WIPF1: variants seen among roughly 807,000 people sequenced by gnomAD.
WIPF1 encodes the protein WAS/WASL interacting protein family member 1.
In WIPF1, 13 loss-of-function variants were observed where a neutral mutation model predicts 35.4. That is an observed-to-expected ratio of 0.37 (90% CI 0.24 to 0.58). The LOEUF (loss-of-function observed/expected upper bound fraction) is 0.58. WIPF1 is among the 20% of genes least tolerant of loss of function. WIPF1 has a pLI of 0.74. For synonymous variants in WIPF1, 267 were observed against 266.3 expected (o/e 1.00, Z -0.02); for missense variants, 591 against 667.0 (o/e 0.89, Z 1.25).
chr2:174,675,500 G>A (rs1688110588), intron 1 of WIPF1, among the ~76,000 whole-genome samples: 2 of 151,950 alleles, frequency 1.3e-5, no homozygotes, highest in Non-Finnish European at 2.9e-5. Context: ...AGGACTACAG[G>A]CATATGCCAC....
chr2:174,641,834 T>C (rs546061083), intron 1 of WIPF1, among the ~76,000 whole-genome samples: 7 of 152,360 alleles, frequency 4.6e-5, no homozygotes, highest in East Asian at 1.9e-4. Context: ...TATATACATA[T>C]TTTCATTTAA....
rs1360270771 is a variant in WIPF1, at chr2:174,571,367, G to T, written c.1129+309C>A. On this transcript the variant is annotated intron_variant, in intron 5 of 7. Transcript: ENST00000679041. The surrounding 1 kb of genome is among the most constrained non-coding windows in gnomAD (Gnocchi z 4.6). ...TTCTCTCTAGGGAGGCAGGGTAGTG[G>T]ACTGGCAAGTACACTTCAGAGATGG... 2 of 583,632 alleles carry T rather than the reference G, an allele frequency of 3.4e-6. No homozygotes were observed. The highest frequency in any genetic ancestry group is 6.1e-6 in the Non-Finnish European group (2 of 330,232). The allele number at this position is 583,632 out of a possible 1,614,324, so 36.2% of individuals were successfully genotyped here.
At position 174,561,886 on chromosome 2, in the gene WIPF1, CA is replaced by C; in HGVS notation, c.*660del. ...ACTCTGGATTTTGAAGATTCAGTAC[CA>C]AAAAATAATATAAAATATCTCATTA... On this transcript the variant is annotated 3_prime_UTR_variant, in exon 8 of 8. Coordinates refer to ENST00000679041, the MANE Select transcript of WIPF1 (RefSeq NM_001375834.1). 1.5e-6 allele frequency: 1 copy of C among 646,566 alleles called. No individual in the cohort carries two copies. Among genetic ancestry groups the C allele is most frequent in the Non-Finnish European group, 2.5e-6 (1 of 398,442 alleles). 40.1% of individuals were successfully genotyped at this position (646,566 alleles called of 1,614,324 possible).
At position 174,646,685 on chromosome 2, in the gene WIPF1, C is replaced by T. The variant is rs191341630; in HGVS notation, c.-39+36089G>A. 2.7e-3 allele frequency among the ~76,000 whole-genome samples: 414 copies of T among 152,244 alleles called. 1 individual carries two copies. Among genetic ancestry groups the T allele is most frequent in the Middle Eastern group, 0.02 (6 of 294 alleles). On this transcript the variant is annotated intron_variant, in intron 1 of 8. Transcript: ENST00000272746. ...TGTCGCCCAGGCTGGAGTGCAATCTCGGCTCATTGCAACCTCCACCTCCCA... is the reference window on the plus strand; with the variant it reads ...TGTCGCCCAGGCTGGAGTGCAATCTTGGCTCATTGCAACCTCCACCTCCCA...
chr2:174,641,763 CT>C (rs905392960), intron 1 of WIPF1, among the ~76,000 whole-genome samples: 12 of 152,220 alleles, frequency 7.9e-5, no homozygotes, highest in Admixed American at 7.2e-4. Context: ...GCTGCACTGA[CT>C]TTTTTCAGCA....
At chr2:174,654,046 C>T (rs1687594728) in intron 1 of WIPF1, among the ~76,000 whole-genome samples, 2 of 152,328 alleles carry the variant, frequency 1.3e-5, no homozygotes, top group Non-Finnish European at 2.9e-5. Context: ...AAAAATCCTC[C>T]TCTACTTCCT....
intron 1 of WIPF1, among the ~76,000 whole-genome samples, chr2:174,664,555 C>G (rs751782510): frequency 2.0e-5 from 3 of 152,218 alleles, no homozygotes; most frequent in African/African-American, 7.2e-5. Flanking sequence ...TTCAAATGAG[C>G]AGTAGGGGAA....
chr2:174,638,898 A>G (rs1687240351), intron 1 of WIPF1, among the ~76,000 whole-genome samples: 1 of 152,214 alleles, frequency 6.6e-6, no homozygotes, highest in Admixed American at 6.5e-5. Context: ...GGATATATGT[A>G]TCCAGTAGTG....
chr2:174,647,829 G>A (rs1293500438), intron 1 of WIPF1, among the ~76,000 whole-genome samples: 3 of 152,178 alleles, frequency 2.0e-5, no homozygotes, highest in Non-Finnish European at 2.9e-5. Context: ...TGGAGAAACT[G>A]TTTATGTAGC....
Position 174,571,011 on chromosome 2 carries a change from G to A in WIPF1, c.1129+665C>T, listed in dbSNP as rs1684814516. Reference sequence around the variant, plus strand: ...CAAGGTTTCTCAACTGTGGATGGGGGCATTGGAAGGGTCTCAGATGGGCTT... The same window carrying A: ...CAAGGTTTCTCAACTGTGGATGGGGACATTGGAAGGGTCTCAGATGGGCTT... On this transcript the variant is annotated intron_variant, in intron 5 of 7. Coordinates refer to ENST00000679041, the MANE Select transcript of WIPF1 (RefSeq NM_001375834.1). This position sits in a 1 kb window ranked among gnomAD's most constrained non-coding sequence, Gnocchi z 4.6. Among the ~76,000 whole-genome samples, 1 of 152,180 alleles carries A rather than the reference G, an allele frequency of 6.6e-6. No homozygotes were observed. Among genetic ancestry groups the A allele is most frequent in the Non-Finnish European group, 1.5e-5 (1 of 68,034 alleles).
At chr2:174,666,396 C>T (rs1052389425) in intron 1 of WIPF1, among the ~76,000 whole-genome samples, 1 of 152,160 alleles carries the variant, frequency 6.6e-6, no homozygotes. Flanking sequence ...TGAGTTTATT[C>T]CTACAGTTTT....
chr2:174,561,324 A>C lies in WIPF1; in HGVS notation c.*1223T>G, dbSNP rs1430179. 148,212 of 152,376 alleles carry C rather than the reference A, an allele frequency of 0.97. 72,205 individuals are homozygous for C. Among genetic ancestry groups the C allele is most frequent in the Non-Finnish European group, 1 (67,953 of 68,064 alleles). 9.4% of individuals were successfully genotyped at this position (152,376 alleles called of 1,614,324 possible). ...TTCTTCCATGTTTCTGATTTGATAT[A>C]TTTTCCTGACTTTTTTCCCCTCCTA... On this transcript the variant is annotated 3_prime_UTR_variant, in exon 8 of 8. Transcript: ENST00000679041.
At chr2:174,599,328 T>C (rs1422393697), upstream of WIPF1, among the ~76,000 whole-genome samples, 1 of 152,134 alleles carries the variant, frequency 6.6e-6, no homozygotes, top group Admixed American at 6.5e-5. Flanking sequence ...CTGGGACAGA[T>C]GATGTCTAAG....
At chr2:174,618,277 C>T (rs934715983) in intron 1 of WIPF1, among the ~76,000 whole-genome samples, 25 of 152,298 alleles carry the variant, frequency 1.6e-4, no homozygotes, top group African/African-American at 5.8e-4. Flanking sequence ...CTGAAAAGCT[C>T]GGCACAGACA....
chr2:174,585,635 T>C (rs1685392504), intron 1 of WIPF1, 24 bp from the exon 2 acceptor site: 5 of 1,491,160 alleles, frequency 3.4e-6, no homozygotes, highest in Non-Finnish European at 4.7e-6. Flanking sequence ...AATGCGATCA[T>C]GTATTAGATG....
chr2:174,563,425 T>C (rs1684547593), intron 7 of WIPF1, among the ~76,000 whole-genome samples: 1 of 152,098 alleles, frequency 6.6e-6, no homozygotes. Flanking sequence ...TAGCCGGGCA[T>C]GTTGGTGTGC....
chr2:174,570,373 T>C lies in WIPF1; in HGVS notation c.1129+1303A>G, dbSNP rs113484696. The C allele has an allele frequency of 1.7e-3, 258 of 152,352 alleles. 1 individual carries two copies. The highest frequency in any genetic ancestry group is 5.9e-3 in the African/African-American group (245 of 41,580). The allele number at this position is 152,352 out of a possible 1,614,324, so 9.4% of individuals were successfully genotyped here. A position where few individuals can be genotyped will look rare whatever the true frequency, so the allele number is the denominator to read the frequency against. ...AATGATTATTTCTGGATAGTGGTGG[T>C]AGAAGGATTAATTTTAATTTTCTTT... is the stretch of plus-strand genomic sequence containing the variant. On this transcript the variant is annotated intron_variant, in intron 5 of 7. Transcript: ENST00000679041.
intron 1 of WIPF1, among the ~76,000 whole-genome samples, chr2:174,591,742 A>G (rs1024753246): frequency 1.3e-5 from 2 of 151,750 alleles, no homozygotes; most frequent in African/African-American, 4.8e-5. Flanking sequence ...TTCCTAGTTC[A>G]TTCTGTGAAT....
intron 7 of WIPF1, among the ~76,000 whole-genome samples, chr2:174,564,154 G>A (rs1684569800): frequency 6.6e-6 from 1 of 152,194 alleles, no homozygotes; most frequent in Non-Finnish European, 1.5e-5. Flanking sequence ...TGGGCTTGGA[G>A]GCTGAGGCTG....
Sources: allele counts gnomAD v4.1 joint callset (sites outside exome capture counted in the v4.1 genomes callset), GRCh38; gene constraint gnomAD v4.1.1; non-coding constraint Gnocchi (gnomAD v3.1); transcripts MANE v1.5; gene names NCBI Gene and HGNC (gene_info 2026-07-23, HGNC 2026-07-21).